Variants in PCDHGB6 observed in about 807,000 individuals in gnomAD.
PCDHGB6 encodes protocadherin gamma subfamily B, 6.
In PCDHGB6, 51 loss-of-function variants were observed where a neutral mutation model predicts 59.1. The observed-to-expected ratio is 0.86, with a 90% confidence interval of 0.69 to 1.09. The LOEUF is 1.09. PCDHGB6 is among the 50% of genes least tolerant of loss of function. PCDHGB6 has a pLI of 0.00. For synonymous variants in PCDHGB6, 466 were observed against 495.1 expected (o/e 0.94, Z 0.78); for missense variants, 1,148 against 1,205.1 (o/e 0.95, Z 0.70).
intron 2 of PCDHGB6, among the ~76,000 whole-genome samples, chr5:141,501,690 A>G (rs760011264): frequency 5.3e-5 from 8 of 152,158 alleles, no homozygotes; most frequent in Non-Finnish European, 1.0e-4. Context: ...ACTTATCTGC[A>G]GGGTGATTCC....
At chr5:141,434,553 G>T (rs1203568173) in intron 1 of PCDHGB6, among the ~76,000 whole-genome samples, 1 of 152,202 alleles carries the variant, frequency 6.6e-6, no homozygotes, top group Admixed American at 6.5e-5. Flanking sequence ...AGTGATCTGT[G>T]CCTTAAGGAC....
At chr5:141,434,875 A>G (rs2097725018) in intron 1 of PCDHGB6, among the ~76,000 whole-genome samples, 1 of 151,990 alleles carries the variant, frequency 6.6e-6, no homozygotes, top group African/African-American at 2.4e-5. Flanking sequence ...TGTGACAGAT[A>G]CCAACAACAA....
chr5:141,485,726 C>G lies in PCDHGB6; in HGVS notation c.2419-9081C>G. On this transcript the variant is annotated intron_variant, in intron 1 of 3. Transcript: ENST00000520790. The surrounding 1 kb of genome is among the most constrained non-coding windows in gnomAD (Gnocchi z 5.7). ...ACACTTTGCACTGGATGTGAAGAAG[C>G]GCAGCGACGGCAGCCTGGTCCCAGA... 2 of 1,614,140 alleles carry G rather than the reference C, an allele frequency of 1.2e-6. No individual in the cohort carries two copies. The highest frequency in any genetic ancestry group is 1.1e-5 in the South Asian group (1 of 91,082).
Position 141,409,608 on chromosome 5 carries a change from C to T in PCDHGB6, c.1406C>T (p.Ala469Val). Residue 469 changes from alanine (A) to valine (V), a missense_variant, in exon 1 of 4, where the codon GCC (alanine) becomes GTC (valine). Transcript: ENST00000520790. ...GTGGCCGAGAACAACCCGCCAGGAG[C>T]CTCCATTGCGCAAGTGAGCGCCTCT... ...VHVAENNPPG[A>V]SIAQVSASDP... The T allele has an allele frequency of 1.1e-5, 18 of 1,613,942 alleles. No individual in the cohort carries two copies. Among genetic ancestry groups the T allele is most frequent in the Non-Finnish European group, 1.4e-5 (17 of 1,179,908 alleles).
chr5:141,413,032 C>A, intron 1 of PCDHGB6: 1 of 766,948 alleles, frequency 1.3e-6, no homozygotes, highest in Non-Finnish European at 2.0e-6. Context: ...CACAAACCGG[C>A]TGCTGGGCTG....
intron 2 of PCDHGB6, 143 bp downstream of exon 2, chr5:141,495,008 G>A (rs2099758236): frequency 6.6e-7 from 1 of 1,521,900 alleles, no homozygotes; most frequent in Non-Finnish European, 8.8e-7. Context: ...TGGTGTGCGG[G>A]GGGCTGGCAC....
chr5:141,464,138 G>A (rs62379197), intron 1 of PCDHGB6, among the ~76,000 whole-genome samples: 42,814 of 151,688 alleles, frequency 0.28, 6,814 homozygotes, highest in African/African-American at 0.44. Context: ...GGTGGTGGGC[G>A]CCTGTAGTCC....
chr5:141,511,129 G>A lies in PCDHGB6; in HGVS notation c.2749G>A (p.Gly917Ser). ...GCGGGATGGCAAGGCCCCAGCAGGT[G>A]GCAATGGCAACAAGAAGAAGTCGGG... ...GKRDGKAPAGGNGNKKKSGKK... is the reference protein window; with the variant it reads ...GKRDGKAPAGSNGNKKKSGKK... Residue 917 changes from glycine to serine, a missense_variant, in exon 4 of 4, where the codon GGC becomes AGC. By Grantham distance (56) the Gly-to-Ser change is moderately conservative. Coordinates refer to ENST00000520790, the MANE Select transcript of PCDHGB6 (RefSeq NM_018926.3). 1 of 1,614,204 alleles carries A rather than the reference G, an allele frequency of 6.2e-7. No individual in the cohort carries two copies. Among genetic ancestry groups the A allele is most frequent in the Non-Finnish European group, 8.5e-7 (1 of 1,180,014 alleles).
chr5:141,408,300 T>C lies in PCDHGB6; in HGVS notation c.98T>C (p.Ile33Thr). Residue 33 changes from isoleucine (I) to threonine (T), a missense_variant, in exon 1 of 4, where the codon ATC becomes ACC. Coordinates refer to ENST00000520790, the MANE Select transcript of PCDHGB6 (RefSeq NM_018926.3). ...TTCTACCCCACCCTGAGTGAGCCGATCCGCTACTCGATTCCGGAGGAGCTG... is the reference window on the plus strand; with the variant it reads ...TTCTACCCCACCCTGAGTGAGCCGACCCGCTACTCGATTCCGGAGGAGCTG... ...PLFYPTLSEP[I>T]RYSIPEELAK... The C allele has an allele frequency of 1.2e-6, 2 of 1,613,732 alleles. No homozygotes were observed. The highest frequency in any genetic ancestry group is 1.7e-6 in the Non-Finnish European group (2 of 1,179,694).
At chr5:141,422,907 G>A in intron 1 of PCDHGB6, 1 of 1,614,196 alleles carries the variant, frequency 6.2e-7, no homozygotes, top group Non-Finnish European at 8.5e-7. Context: ...ACGACAATGC[G>A]CCCGAGATCC....
chr5:141,490,345 G>GT lies in PCDHGB6; in HGVS notation c.2419-4461dup, dbSNP rs1363310763. The GT allele has an allele frequency of 6.2e-7, 1 of 1,614,216 alleles. No individual in the cohort carries two copies. The highest frequency in any genetic ancestry group is 2.2e-5 in the East Asian group (1 of 44,886). ...AGAGAGCACACCAGTGGGCACAGTAGTGGGGTTGTTTAATGTGCGAGACCG... is the reference window on the plus strand; with the variant it reads ...AGAGAGCACACCAGTGGGCACAGTAGTTGGGGTTGTTTAATGTGCGAGACCG... On this transcript the variant is annotated intron_variant, in intron 1 of 3. Transcript: ENST00000520790. This position sits in a 1 kb window ranked among gnomAD's most constrained non-coding sequence, Gnocchi z 5.4.
intron 2 of PCDHGB6, among the ~76,000 whole-genome samples, chr5:141,501,868 C>G (rs1016056445): frequency 1.3e-5 from 2 of 152,120 alleles, no homozygotes; most frequent in African/African-American, 2.4e-5. Flanking sequence ...TCCCAGGACG[C>G]CTCCTTACAC....
In PCDHGB6 at chr5:141,415,024, G is replaced by A. The variant is rs1272655664; in HGVS notation, c.2418+4404G>A. On this transcript the variant is annotated intron_variant, in intron 1 of 3. Coordinates refer to ENST00000520790, the MANE Select transcript of PCDHGB6 (RefSeq NM_018926.3). ...GTCCTACCGTCTGCTCAAGGCCAGC[G>A]AGCCGGGACTCTTCGCGGTGGGGGA... 4.3e-6 allele frequency: 7 copies of A among 1,613,450 alleles called. 1 individual carries two copies. The highest frequency in any genetic ancestry group is 3.3e-5 in the Admixed American group (2 of 60,002).
chr5:141,476,023 G>T lies in PCDHGB6; in HGVS notation c.2419-18784G>T. On this transcript the variant is annotated intron_variant, in intron 1 of 3. Coordinates refer to ENST00000520790, the MANE Select transcript of PCDHGB6 (RefSeq NM_018926.3). The surrounding 1 kb of genome is among the most constrained non-coding windows in gnomAD (Gnocchi z 7.6). Reference sequence around the variant, plus strand: ...CATCCAGAAAGCCATGTCGGACTCGGCGCCCAGCGCCCAAGCGCTAACCCG... The same window carrying T: ...CATCCAGAAAGCCATGTCGGACTCGTCGCCCAGCGCCCAAGCGCTAACCCG... The T allele has an allele frequency of 7.1e-7, 1 of 1,415,690 alleles. No individual in the cohort carries two copies. Among genetic ancestry groups the T allele is most frequent in the Non-Finnish European group, 9.5e-7 (1 of 1,057,324 alleles). 87.7% of individuals were successfully genotyped at this position (1,415,690 alleles called of 1,614,324 possible).
Position 141,434,784 on chromosome 5 carries a change from AT to A in PCDHGB6, c.2418+24173del, listed in dbSNP as rs201914459. On this transcript the variant is annotated intron_variant, in intron 1 of 3. Transcript: ENST00000520790. The stretch of plus-strand genomic sequence containing the variant: ...ACTTCACACTTCTAAAAAAAAAAAA[AT>A]TTTTTTTTCTGAGCTTGGAGAAATA... Among the ~76,000 whole-genome samples the A allele has an allele frequency of 3.3e-4, 49 of 150,342 alleles. 1 individual carries two copies. Among genetic ancestry groups the A allele is most frequent in the Middle Eastern group, 3.4e-3 (1 of 290 alleles).
At position 141,490,155 on chromosome 5, in the gene PCDHGB6, G is replaced by A. The variant is rs753981059; in HGVS notation, c.2419-4652G>A. On this transcript the variant is annotated intron_variant, in intron 1 of 3. Transcript: ENST00000520790. This position sits in a 1 kb window ranked among gnomAD's most constrained non-coding sequence, Gnocchi z 5.4. ...CTAGCAGTGGGGCAATCCATGTGTT[G>A]GGTCCCATAGACTTTGAGGAGTCAC... 2 of 1,614,214 alleles carry A rather than the reference G, an allele frequency of 1.2e-6. No individual in the cohort carries two copies. The highest frequency in any genetic ancestry group is 1.1e-5 in the South Asian group (1 of 91,086).
chr5:141,476,596 C>T lies in PCDHGB6; in HGVS notation c.2419-18211C>T. 1 of 1,614,224 alleles carries T rather than the reference C, an allele frequency of 6.2e-7. No homozygotes were observed. Among genetic ancestry groups the T allele is most frequent in the Non-Finnish European group, 8.5e-7 (1 of 1,180,038 alleles). On this transcript the variant is annotated intron_variant, in intron 1 of 3. Coordinates refer to ENST00000520790, the MANE Select transcript of PCDHGB6 (RefSeq NM_018926.3). The surrounding 1 kb of genome is among the most constrained non-coding windows in gnomAD (Gnocchi z 7.6). The stretch of plus-strand genomic sequence containing the variant: ...CGCGCTTTCCGCTCGAGAGCGCGCA[C>T]GATCCCGATGTGGGAAGCAACTCTT...
At chr5:141,479,023 GT>G (rs1436478867) in intron 1 of PCDHGB6, among the ~76,000 whole-genome samples, 1 of 152,056 alleles carries the variant, frequency 6.6e-6, no homozygotes, top group Non-Finnish European at 1.5e-5. Context: ...ATTTTCCTTT[GT>G]TTATACAGAT....
chr5:141,458,421 G>T (rs1294502132), intron 1 of PCDHGB6, among the ~76,000 whole-genome samples: 1 of 152,114 alleles, frequency 6.6e-6, no homozygotes, highest in African/African-American at 2.4e-5. Context: ...GGGTTCCAAA[G>T]CTGAAAGAGG....
Sources: gnomAD v4.1 joint callset for allele counts (sites outside exome capture counted in the v4.1 genomes callset) on GRCh38, gnomAD v4.1.1 for gene constraint, Gnocchi (gnomAD v3.1) non-coding constraint, MANE v1.5 for transcripts, NCBI Gene and HGNC (gene_info 2026-07-23, HGNC 2026-07-21) for gene names.